The following SMYD3 variants were observed in gnomAD, a reference collection of about 807,000 sequenced individuals.
SMYD3 encodes the protein histone-lysine N-methyltransferase SMYD3.
SMYD3 carries 36 observed loss-of-function variants against 57.7 expected under a neutral mutation model. The ratio of observed to expected loss-of-function variants is 0.62; its 90% CI spans 0.48 to 0.82. SMYD3 has a LOEUF of 0.82. SMYD3 is among the 40% of genes least tolerant of loss of function. The probability of loss-of-function intolerance (pLI) is 0.00; values close to 1 mark genes in which losing one functional copy is unlikely to be tolerated. For synonymous variants in SMYD3, 211 were observed against 195.0 expected, an observed-to-expected ratio of 1.08 and a Z score of -0.68; for missense variants, 515 against 538.8, an observed-to-expected ratio of 0.96 and a Z score of 0.44.
At chr1:246,234,596 C>T (rs1393200354) in intron 5 of SMYD3, among the ~76,000 whole-genome samples, 1 of 152,158 alleles carries the variant, frequency 6.6e-6, no homozygotes, top group Non-Finnish European at 1.5e-5. Flanking sequence ...AGGGGAGAAG[C>T]ACTCCTTCAA....
At chr1:246,031,508 C>A (rs1384617149) in intron 5 of SMYD3, among the ~76,000 whole-genome samples, 2 of 152,064 alleles carry the variant, frequency 1.3e-5, no homozygotes, top group East Asian at 3.9e-4. Flanking sequence ...GAGGCCGAGG[C>A]AGGCAGATCA....
At chr1:245,998,010 T>C (rs1424456885) in intron 5 of SMYD3, among the ~76,000 whole-genome samples, 3 of 152,158 alleles carry the variant, frequency 2.0e-5, no homozygotes, top group East Asian at 3.9e-4. Flanking sequence ...ACACAGTCTG[T>C]AGACAAGGAA....
chr1:246,107,321 A>T (rs12090318), intron 5 of SMYD3, among the ~76,000 whole-genome samples: 19,847 of 152,124 alleles, frequency 0.13, 1,983 homozygotes, highest in African/African-American at 0.28. Flanking sequence ...TTGAAATGGA[A>T]ATGTATCTAT....
At chr1:245,814,434 T>C (rs555641174) in intron 10 of SMYD3, 105 of 946,462 alleles carry the variant, frequency 1.1e-4, no homozygotes, top group Non-Finnish European at 1.3e-4. Flanking sequence ...AAAAAAAAAA[T>C]AAAAACGAAA....
chr1:245,973,740 A>G (rs951627342), intron 5 of SMYD3, among the ~76,000 whole-genome samples: 1 of 152,250 alleles, frequency 6.6e-6, no homozygotes, highest in Non-Finnish European at 1.5e-5. Context: ...AGCCATGGCT[A>G]AAGAACACTT....
At chr1:245,784,597 T>C (rs2046959987) in intron 10 of SMYD3, among the ~76,000 whole-genome samples, 4 of 152,208 alleles carry the variant, frequency 2.6e-5, no homozygotes, top group African/African-American at 9.6e-5. Context: ...GCAGGGACTA[T>C]CAACAAGAGT....
chr1:246,090,100 C>T (rs973992293), intron 5 of SMYD3, among the ~76,000 whole-genome samples: 7 of 152,048 alleles, frequency 4.6e-5, no homozygotes, highest in Non-Finnish European at 7.4e-5. Flanking sequence ...AATTATCTAG[C>T]ATTATTAAGA....
intron 1 of SMYD3, among the ~76,000 whole-genome samples, chr1:246,482,524 A>G (rs532801553): frequency 1.5e-4 from 23 of 152,244 alleles, no homozygotes; most frequent in Admixed American, 5.2e-4. Flanking sequence ...GTCAGGGCCA[A>G]GTTCAAACCC....
At chr1:246,156,003 T>C (rs1034370396) in intron 5 of SMYD3, among the ~76,000 whole-genome samples, 1 of 151,530 alleles carries the variant, frequency 6.6e-6, no homozygotes, top group African/African-American at 2.4e-5. Context: ...AAAAAAAATA[T>C]ATCGACCTCT....
intron 8 of SMYD3, among the ~76,000 whole-genome samples, chr1:245,871,688 T>C (rs958333998): frequency 2.6e-5 from 4 of 152,006 alleles, no homozygotes; most frequent in South Asian, 2.1e-4. Flanking sequence ...CTGTGTAGTC[T>C]TGGCAAGTCC....
At chr1:245,935,197 C>A (rs554593685) in intron 5 of SMYD3, among the ~76,000 whole-genome samples, 15 of 152,222 alleles carry the variant, frequency 9.9e-5, no homozygotes, top group African/African-American at 3.1e-4. Context: ...GAAACTCAAG[C>A]AACACAATAT....
At chr1:246,273,816 C>T (rs2064278053) in intron 5 of SMYD3, among the ~76,000 whole-genome samples, 1 of 151,390 alleles carries the variant, frequency 6.6e-6, no homozygotes, top group South Asian at 2.1e-4. Context: ...AACTCCTGGC[C>T]TCGTGGTCCA....
chr1:245,874,014 G>A (rs1293030226), intron 8 of SMYD3, among the ~76,000 whole-genome samples: 2 of 152,190 alleles, frequency 1.3e-5, no homozygotes, highest in Non-Finnish European at 2.9e-5. Context: ...AGTATATGTT[G>A]TCCATGAAAA....
intron 1 of SMYD3, among the ~76,000 whole-genome samples, chr1:246,501,026 C>T (rs1219547079): frequency 1.3e-5 from 2 of 152,192 alleles, no homozygotes; most frequent in Non-Finnish European, 2.9e-5. Context: ...ACCCATTAGC[C>T]ACTGCCCAGG....
chr1:245,887,440 C>A (rs1252445347), intron 8 of SMYD3, among the ~76,000 whole-genome samples: 2 of 152,182 alleles, frequency 1.3e-5, no homozygotes, highest in African/African-American at 4.8e-5. Context: ...ATTCTTTATT[C>A]CTCCACCTTC....
chr1:246,082,047 C>G (rs2060645790), intron 5 of SMYD3, among the ~76,000 whole-genome samples: 1 of 152,200 alleles, frequency 6.6e-6, no homozygotes. Context: ...TGCTTCTAGT[C>G]TCACAGGCTG....
chr1:246,458,647 T>TG (rs2067744141), intron 1 of SMYD3, among the ~76,000 whole-genome samples: 1 of 143,088 alleles, frequency 7.0e-6, no homozygotes, highest in Admixed American at 7.0e-5. Context: ...TTTGTATTTT[T>TG]AGTAGAGACG....
intron 10 of SMYD3, among the ~76,000 whole-genome samples, chr1:245,844,807 C>A (rs1361127632): frequency 6.6e-6 from 1 of 152,170 alleles, no homozygotes; most frequent in African/African-American, 2.4e-5. Flanking sequence ...ACCAGGGAAA[C>A]ATGACTTTTC....
At chr1:246,448,058 CAT>C (rs1558469936) in intron 1 of SMYD3, among the ~76,000 whole-genome samples, 1 of 152,058 alleles carries the variant, frequency 6.6e-6, no homozygotes, top group Non-Finnish European at 1.5e-5. Context: ...TTAAGAATAA[CAT>C]AATCAAATTA....
Sources: allele counts gnomAD v4.1 joint callset (sites outside exome capture counted in the v4.1 genomes callset), GRCh38; gene constraint gnomAD v4.1.1; transcripts MANE v1.5; gene names NCBI Gene and HGNC (gene_info 2026-07-23, HGNC 2026-07-21).